Variants in CNIH1 observed in about 807,000 individuals in gnomAD.
CNIH1 encodes the protein protein cornichon homolog 1.
In CNIH1, 12 loss-of-function variants were observed where a neutral mutation model predicts 20.2. The observed-to-expected ratio is 0.59, with a 90% CI of 0.38 to 0.96. The LOEUF (loss-of-function observed/expected upper bound fraction) is 0.96, where lower values mean the gene tolerates loss of function less well. Ranked by LOEUF, CNIH1 falls within the 40% of genes least tolerant of loss-of-function variation. The pLI, the probability that CNIH1 is intolerant of heterozygous loss-of-function variation, is 0.00. For synonymous variants in CNIH1, 69 were observed against 63.3 expected (o/e 1.09, Z -0.43); for missense variants, 152 against 178.8 (o/e 0.85, Z 0.85).
At chr14:54,436,490 C>T (rs1208818785) in intron 1 of CNIH1, 53 bp from the exon 2 acceptor site, 5 of 909,504 alleles carry the variant, frequency 5.5e-6, no homozygotes, top group Non-Finnish European at 8.9e-6. Flanking sequence ...AAAGCAGCAA[C>T]AAACCTGCCC....
intron 2 of CNIH1, among the ~76,000 whole-genome samples, chr14:54,434,167 G>A (rs2031004871): frequency 6.6e-6 from 1 of 152,084 alleles, no homozygotes; most frequent in African/African-American, 2.4e-5. Context: ...CCCATACTTT[G>A]GCAGAACTGT....
intron 2 of CNIH1, among the ~76,000 whole-genome samples, chr14:54,432,928 CT>C (rs896966666): frequency 2.0e-5 from 3 of 152,302 alleles, no homozygotes; most frequent in African/African-American, 7.2e-5. Context: ...TTCTTTACCC[CT>C]GCTTGCCAAC....
chr14:54,429,815 A>AC (rs1309527400), intron 4 of CNIH1, among the ~76,000 whole-genome samples: 2 of 152,144 alleles, frequency 1.3e-5, no homozygotes, highest in Non-Finnish European at 2.9e-5. Context: ...TACTTCTTTC[A>AC]TTCATACCAC....
chr14:54,429,594 A>G (rs1217113133), intron 4 of CNIH1, among the ~76,000 whole-genome samples: 1 of 152,188 alleles, frequency 6.6e-6, no homozygotes, highest in Non-Finnish European at 1.5e-5. Context: ...CTCTGTCTCT[A>G]CTAAAAATAC....
chr14:54,434,890 C>G (rs2031025476), intron 2 of CNIH1, among the ~76,000 whole-genome samples: 1 of 152,176 alleles, frequency 6.6e-6, no homozygotes, highest in African/African-American at 2.4e-5. Flanking sequence ...TAAGTTAATA[C>G]TTTTAATTGT....
chr14:54,434,495 G>A (rs2031015115), intron 2 of CNIH1, among the ~76,000 whole-genome samples: 1 of 152,080 alleles, frequency 6.6e-6, no homozygotes, highest in Non-Finnish European at 1.5e-5. Flanking sequence ...ATAACATTCG[G>A]CAAAGTGCTT....
intron 1 of CNIH1, 73 bp from the exon 2 acceptor site, chr14:54,436,510 A>G: frequency 1.3e-6 from 1 of 782,992 alleles, no homozygotes; most frequent in Non-Finnish European, 2.2e-6. Flanking sequence ...CCATCTTCAA[A>G]TAATTATTAA....
At chr14:54,436,559 A>C (rs2031057670) in intron 1 of CNIH1, 122 bp from the exon 2 acceptor site, 1 of 632,260 alleles carries the variant, frequency 1.6e-6, no homozygotes, top group Admixed American at 3.0e-5. Context: ...CAAGATCCCA[A>C]ATACCAATTT....
intron 4 of CNIH1, among the ~76,000 whole-genome samples, chr14:54,429,198 C>T (rs1168660499): frequency 1.3e-5 from 2 of 152,188 alleles, no homozygotes; most frequent in African/African-American, 4.8e-5. Flanking sequence ...TTCACTGCAC[C>T]TACAACACAC....
chr14:54,429,036 C>A (rs2030880407), intron 4 of CNIH1, among the ~76,000 whole-genome samples: 1 of 151,990 alleles, frequency 6.6e-6, no homozygotes, highest in Non-Finnish European at 1.5e-5. Flanking sequence ...TTCTGAAAAT[C>A]AAGGAGAAAG....
At chr14:54,436,794 A>C (rs1333855877) in intron 1 of CNIH1, 18 of 445,452 alleles carry the variant, frequency 4.0e-5, no homozygotes, top group Non-Finnish European at 7.1e-5. Flanking sequence ...TCCTAAAAAA[A>C]AAACAAACCT....
chr14:54,432,756 C>T (rs368069469), intron 2 of CNIH1, among the ~76,000 whole-genome samples: 16 of 152,232 alleles, frequency 1.1e-4, no homozygotes, highest in African/African-American at 3.6e-4. Flanking sequence ...TAATGGAAAG[C>T]CAATCAGCCA....
At chr14:54,438,186 C>T (rs1361057209) in intron 1 of CNIH1, among the ~76,000 whole-genome samples, 3 of 151,992 alleles carry the variant, frequency 2.0e-5, no homozygotes, top group African/African-American at 7.2e-5. Context: ...TACCATGTTG[C>T]CCAGGCTGGT....
rs2030777048 is a variant in CNIH1, at chr14:54,423,918, C to T, written c.*3896G>A. On this transcript the variant is annotated 3_prime_UTR_variant, in exon 5 of 5. Coordinates refer to ENST00000216416, the MANE Select transcript of CNIH1 (RefSeq NM_005776.3). ...AAAATTAATGCAGATAAGACCTTCACTCCAACCCCAAAGATCTTACATGGT... is the reference window on the plus strand; with the variant it reads ...AAAATTAATGCAGATAAGACCTTCATTCCAACCCCAAAGATCTTACATGGT... 1 of 152,200 alleles carries T rather than the reference C, an allele frequency of 6.6e-6. No individual in the cohort carries two copies. The highest frequency in any genetic ancestry group is 1.5e-5 in the Non-Finnish European group (1 of 68,038). The allele number at this position is 152,200 out of a possible 1,614,324, so 9.4% of individuals were successfully genotyped here.
Position 54,425,565 on chromosome 14 carries a change from T to C in CNIH1, c.*2249A>G, listed in dbSNP as rs1002290293. 1 of 152,218 alleles carries C rather than the reference T, an allele frequency of 6.6e-6. No homozygotes were observed. The highest frequency in any genetic ancestry group is 2.4e-5 in the African/African-American group (1 of 41,462). The allele number at this position is 152,218 out of a possible 1,614,324, so 9.4% of individuals were successfully genotyped here. A position where few individuals can be genotyped will look rare whatever the true frequency, so the allele number is the denominator to read the frequency against. On this transcript the variant is annotated 3_prime_UTR_variant, in exon 5 of 5. Coordinates refer to ENST00000216416, the MANE Select transcript of CNIH1 (RefSeq NM_005776.3). ...AGAGCAATGAAAAGAGCCAGTCGGA[T>C]ATTGTCAGATTCAAGTATTTCGTTT...
chr14:54,431,245 A>G (rs1044809050), intron 3 of CNIH1, among the ~76,000 whole-genome samples: 1 of 151,982 alleles, frequency 6.6e-6, no homozygotes, highest in African/African-American at 2.4e-5. Context: ...TCTCTGCCTC[A>G]GCTTCCCAAG....
intron 1 of CNIH1, among the ~76,000 whole-genome samples, chr14:54,441,043 G>C (rs1313953453): frequency 1.3e-5 from 2 of 151,762 alleles, no homozygotes; most frequent in Non-Finnish European, 2.9e-5. Context: ...CCGAGGCAAC[G>C]CGGGCGCGTC....
intron 1 of CNIH1, 59 bp downstream of exon 1, chr14:54,441,188 G>T (rs1008188790): frequency 1.4e-6 from 2 of 1,429,230 alleles, no homozygotes; most frequent in South Asian, 2.7e-5. Context: ...CCGCGGGCCC[G>T]GGGCGAAAAG....
chr14:54,431,070 C>G (rs1163299330), intron 3 of CNIH1, among the ~76,000 whole-genome samples: 3 of 152,160 alleles, frequency 2.0e-5, no homozygotes, highest in African/African-American at 7.2e-5. Context: ...AGTGATCCAC[C>G]TGCCTCAGCC....
Sources: allele counts gnomAD v4.1 joint callset (sites outside exome capture counted in the v4.1 genomes callset), GRCh38; gene constraint gnomAD v4.1.1; transcripts MANE v1.5; gene names NCBI Gene and HGNC (gene_info 2026-07-23, HGNC 2026-07-21).